ADAMTS16: variants seen among roughly 807,000 people sequenced by gnomAD.
ADAMTS16 encodes the protein A disintegrin and metalloproteinase with thrombospondin motifs 16.
Under a neutral mutation model 145.8 loss-of-function variants are expected in ADAMTS16, and 94 were observed. The observed-to-expected ratio is 0.64, with a 90% confidence interval of 0.55 to 0.77. The LOEUF is 0.77. Ranked by LOEUF, ADAMTS16 falls within the 30% of genes least tolerant of loss-of-function variation. ADAMTS16 has a pLI of 0.00. For synonymous variants in ADAMTS16, 659 were observed against 604.3 expected, an observed-to-expected ratio of 1.09 and a Z score of -1.33; for missense variants, 1,585 against 1,591.5, an observed-to-expected ratio of 1.00 and a Z score of 0.07.
rs1486597589 is a variant in ADAMTS16, at chr5:5,319,819, C to G, written c.*681C>G. The G allele has an allele frequency of 2.2e-6, 1 of 453,076 alleles. No individual in the cohort carries two copies. The allele number at this position is 453,076 out of a possible 1,614,324, so 28.1% of individuals were successfully genotyped here. On this transcript the variant is annotated 3_prime_UTR_variant, in exon 23 of 23. Coordinates refer to ENST00000274181, the MANE Select transcript of ADAMTS16 (RefSeq NM_139056.4). ...AAATGAAATTCCTGCTAAGGTGCTT[C>G]TATCTCTTTCAGATTCATGCATTGA...
At chr5:5,194,072 A>G (rs1735734434) in intron 8 of ADAMTS16, among the ~76,000 whole-genome samples, 1 of 152,178 alleles carries the variant, frequency 6.6e-6, no homozygotes. Context: ...ACTGCACTCC[A>G]GCCTGGGTGG....
intron 4 of ADAMTS16, among the ~76,000 whole-genome samples, chr5:5,182,560 C>T (rs1164896037): frequency 2.6e-5 from 4 of 152,132 alleles, no homozygotes; most frequent in Non-Finnish European, 4.4e-5. Context: ...GATTAAATGA[C>T]ACAGTGTGCA....
intron 12 of ADAMTS16, among the ~76,000 whole-genome samples, 196 bp from the exon 13 acceptor site, chr5:5,234,818 C>G (rs111650735): frequency 7.3e-6 from 1 of 137,616 alleles, no homozygotes; most frequent in African/African-American, 2.7e-5. Context: ...TGCAGCGAGC[C>G]GAGATCACAC....
intron 9 of ADAMTS16, among the ~76,000 whole-genome samples, chr5:5,202,496 G>A (rs1735989029): frequency 6.6e-6 from 1 of 152,148 alleles, no homozygotes; most frequent in South Asian, 2.1e-4. Flanking sequence ...TCAAGCTGGG[G>A]ATTGTTAGCA....
rs150478708 is a variant in ADAMTS16 at position 5,209,182 on chromosome 5, C to A, written c.1541C>A (p.Ala514Glu). Residue 514 changes from alanine to glutamate, a missense_variant, in exon 10 of 23, where the codon GCA (alanine) becomes GAA (glutamate). Physicochemically the swap from Ala to Glu is moderately radical, Grantham distance 107. Around this residue, in one of 3 missense-constraint regions of ADAMTS16, gnomAD observed 298 missense variants for 367.6 expected, o/e 0.81. Transcript: ENST00000274181. Reference sequence around the variant, plus strand: ...AAATTGCCAGGAGAATTATATGATGCAAACACACAGTGCAAGTGGCAGTTC... The same window carrying A: ...AAATTGCCAGGAGAATTATATGATGAAAACACACAGTGCAAGTGGCAGTTC... ...PEKLPGELYD[A>E]NTQCKWQFGE... 3.1e-6 allele frequency: 5 copies of A among 1,614,028 alleles called. No individual in the cohort carries two copies. Among genetic ancestry groups the A allele is most frequent in the Admixed American group, 1.7e-5 (1 of 60,026 alleles).
Position 5,146,208 on chromosome 5 carries a change from G to A in ADAMTS16, c.254G>A (p.Arg85Gln), listed in dbSNP as rs368411395. The A allele has an allele frequency of 1.4e-5, 23 of 1,614,060 alleles. No homozygotes were observed. In the African/African-American group the frequency reaches 1.7e-4, roughly 12 times the overall value. The change falls in exon 3 of 23, where the codon CGG (arginine) becomes CAG (glutamine). Residue 85 changes from arginine to glutamine, a missense_variant. Physicochemically the swap from Arg to Gln is conservative, Grantham distance 43. Coordinates refer to ENST00000274181, the MANE Select transcript of ADAMTS16 (RefSeq NM_139056.4). ...CATGAAATCATGCACCATCAGCGGC[G>A]GAGAAGAGCAGTGCCCGTGTCCGAG... is the stretch of plus-strand genomic sequence containing the variant. ...VSHEIMHHQR[R>Q]RRAVPVSEVE...
intron 11 of ADAMTS16, chr5:5,223,259 T>G (rs893684553): frequency 2.2e-4 from 39 of 179,374 alleles, no homozygotes; most frequent in Admixed American, 2.0e-3. Flanking sequence ...GAGCACATCA[T>G]TTTCACCTAT....
intron 11 of ADAMTS16, among the ~76,000 whole-genome samples, chr5:5,226,275 C>A (rs548742188): frequency 3.6e-4 from 55 of 152,098 alleles, no homozygotes; most frequent in Non-Finnish European, 5.4e-4. Context: ...ACTGGGGAGG[C>A]CTCGCAATCA....
intron 11 of ADAMTS16, among the ~76,000 whole-genome samples, chr5:5,224,113 GAGAATAGCCCCC>G (rs1736685499): frequency 6.6e-6 from 1 of 151,918 alleles, no homozygotes; most frequent in South Asian, 2.1e-4. Context: ...TAAACTTATT[GAGAATAGCCCCC>G]AGCCACCATT....
At chr5:5,212,507 T>C (rs1180243169) in intron 10 of ADAMTS16, among the ~76,000 whole-genome samples, 3 of 152,204 alleles carry the variant, frequency 2.0e-5, no homozygotes, top group Non-Finnish European at 4.4e-5. Flanking sequence ...AGGATGGCTA[T>C]GTCTTCTGAC....
At chr5:5,296,584 G>C (rs548773111) in intron 18 of ADAMTS16, among the ~76,000 whole-genome samples, 3 of 152,018 alleles carry the variant, frequency 2.0e-5, no homozygotes, top group Non-Finnish European at 2.9e-5. Flanking sequence ...AAAGCTGCCA[G>C]TCATCCAGGC....
chr5:5,306,243 A>G (rs562506462), intron 20 of ADAMTS16, among the ~76,000 whole-genome samples: 2 of 152,308 alleles, frequency 1.3e-5, no homozygotes, highest in South Asian at 4.1e-4. Context: ...GTGAAACGGT[A>G]GCTTTAGAAT....
At chr5:5,154,446 A>G (rs1314871058) in intron 3 of ADAMTS16, among the ~76,000 whole-genome samples, 1 of 152,262 alleles carries the variant, frequency 6.6e-6, no homozygotes, top group Non-Finnish European at 1.5e-5. Flanking sequence ...ATTTCATTAG[A>G]TCAAATAATA....
chr5:5,215,306 A>G (rs1225953347), intron 10 of ADAMTS16, among the ~76,000 whole-genome samples: 3 of 152,182 alleles, frequency 2.0e-5, no homozygotes, highest in Non-Finnish European at 1.5e-5. Context: ...AATAATGACA[A>G]TGCCCTGTAT....
chr5:5,241,843 C>CAAGTACAA (rs10634612), intron 16 of ADAMTS16, among the ~76,000 whole-genome samples: 1 of 152,326 alleles, frequency 6.6e-6, no homozygotes, highest in Admixed American at 6.5e-5. Context: ...GGAGAAGGTA[C>CAAGTACAA]AGTCTAGACA....
intron 7 of ADAMTS16, 134 bp from the exon 8 acceptor site, chr5:5,191,551 C>G: frequency 1.4e-6 from 1 of 709,178 alleles, no homozygotes; most frequent in Non-Finnish European, 2.4e-6. Flanking sequence ...ATACGGTTGT[C>G]TAAGTGTTTC....
chr5:5,312,794 T>C (rs879588338), intron 21 of ADAMTS16, among the ~76,000 whole-genome samples: 2 of 152,186 alleles, frequency 1.3e-5, no homozygotes, highest in Non-Finnish European at 2.9e-5. Flanking sequence ...TGCTGTCTTT[T>C]GAGTCAGGTA....
chr5:5,206,582 C>T (rs367823663), intron 9 of ADAMTS16, among the ~76,000 whole-genome samples: 4 of 151,256 alleles, frequency 2.6e-5, no homozygotes, highest in Non-Finnish European at 4.4e-5. Context: ...CGGGTTCAAG[C>T]GATTCTCCTG....
intron 18 of ADAMTS16, among the ~76,000 whole-genome samples, chr5:5,296,955 G>A (rs113592462): frequency 1.3e-5 from 2 of 152,220 alleles, no homozygotes. Flanking sequence ...GAAGCGGCAA[G>A]GGAGAGGTGG....
Sources: gnomAD v4.1 joint callset for allele counts (sites outside exome capture counted in the v4.1 genomes callset) on GRCh38, gnomAD v4.1.1 for gene constraint, gnomAD v4.1.1 regional missense constraint, MANE v1.5 for transcripts, NCBI Gene and HGNC (gene_info 2026-07-23, HGNC 2026-07-21) for gene names.